The following ABCA13 variants were observed in gnomAD, a reference collection of about 807,000 sequenced individuals.
ABCA13 encodes the protein ATP-binding cassette sub-family A member 13.
ABCA13 carries 476 observed loss-of-function variants against 478.7 expected under a neutral mutation model. The observed-to-expected ratio is 0.99, with a 90% CI of 0.92 to 1.07. ABCA13 has a LOEUF of 1.07. ABCA13 is among the 50% of genes least tolerant of loss of function. The pLI, the probability that ABCA13 is intolerant of heterozygous loss-of-function variation, is 0.00. For synonymous variants in ABCA13, 2,252 were observed against 2,158.9 expected (o/e 1.04, Z -1.20); for missense variants, 6,060 against 5,910.6 (o/e 1.03, Z -0.83).
At chr7:48,241,462 C>T (rs1260480505) in intron 10 of ABCA13, among the ~76,000 whole-genome samples, 2 of 152,118 alleles carry the variant, frequency 1.3e-5, no homozygotes. Context: ...TTTATATTTA[C>T]TTAAAGATTT....
At chr7:48,475,038 A>G (rs980606724) in intron 45 of ABCA13, among the ~76,000 whole-genome samples, 8 of 152,238 alleles carry the variant, frequency 5.3e-5, no homozygotes, top group Admixed American at 1.3e-4. Context: ...CAGCTCTTCT[A>G]AGAAGCTATT....
At position 48,606,965 on chromosome 7, in the gene ABCA13, C is replaced by T. The variant is rs555689215; in HGVS notation, c.14745-8320C>T. 3.3e-5 allele frequency among the ~76,000 whole-genome samples: 5 copies of T among 152,286 alleles called. No homozygotes were observed. In the East Asian group the frequency reaches 9.7e-4, roughly 30 times the overall value. On this transcript the variant is annotated intron_variant, in intron 58 of 61. Transcript: ENST00000435803. The stretch of plus-strand genomic sequence containing the variant: ...TAGCCTTGCTGAGCTGCAGTGGGCT[C>T]CACCCAGTTCGAACTTCCTGAGGGC...
At chr7:48,176,256 T>C (rs1794860586) in intron 1 of ABCA13, among the ~76,000 whole-genome samples, 1 of 152,192 alleles carries the variant, frequency 6.6e-6, no homozygotes, top group South Asian at 2.1e-4. Flanking sequence ...ACCAGCTTTT[T>C]GGGTTGAGCT....
rs1156643955 is a variant in ABCA13, at chr7:48,637,381, C to CAAAAAAAAAAAAAAAAAAA, written c.14838-5900_14838-5882dup. On this transcript the variant is annotated intron_variant, in intron 59 of 61. Transcript: ENST00000435803. Reference sequence around the variant, plus strand: ...TGTTTTCTTTATTATGTTCATAAAGCAAAAAAAAAAAAAAAAAAAAAAAAA... The same window carrying CAAAAAAAAAAAAAAAAAAA: ...TGTTTTCTTTATTATGTTCATAAAGCAAAAAAAAAAAAAAAAAAAAAAAAAAAAAAAAAAAAAAAAAAAA... 1.5e-3 allele frequency among the ~76,000 whole-genome samples: 30 copies of CAAAAAAAAAAAAAAAAAAA among 20,254 alleles called. 4 individuals carry two copies. Among genetic ancestry groups the CAAAAAAAAAAAAAAAAAAA allele is most frequent in the East Asian group, 3.5e-3 (2 of 574 alleles). 13.3% of individuals were successfully genotyped at this position (20,254 alleles called of 152,430 possible). A position where few individuals can be genotyped will look rare whatever the true frequency, so the allele number is the denominator to read the frequency against.
At position 48,279,518 on chromosome 7, in the gene ABCA13, T is replaced by A; in HGVS notation, c.8324T>A (p.Ile2775Lys). ...TQHPNNLLKT[I>K]ETVLEASSGI... ...CATCCAAATAACCTTTTGAAAACCATAGAAACAGTTTTAGAGGCCTCCAGT... is the reference window on the plus strand; with the variant it reads ...CATCCAAATAACCTTTTGAAAACCAAAGAAACAGTTTTAGAGGCCTCCAGT... The change falls in exon 18 of 62, where the codon ATA (isoleucine) becomes AAA (lysine). Residue 2775 changes from isoleucine to lysine, a missense_variant. Physicochemically the swap from Ile to Lys is moderately radical, Grantham distance 102 (BLOSUM62 -3). Transcript: ENST00000435803. 1 of 1,613,424 alleles carries A rather than the reference T, an allele frequency of 6.2e-7. No homozygotes were observed. The highest frequency in any genetic ancestry group is 2.2e-5 in the East Asian group (1 of 44,794).
intron 52 of ABCA13, among the ~76,000 whole-genome samples, chr7:48,518,577 A>G (rs1228983555): frequency 6.6e-6 from 1 of 152,172 alleles, no homozygotes; most frequent in Non-Finnish European, 1.5e-5. Context: ...ATCTAAATCA[A>G]TTGGTAACAA....
chr7:48,279,311 A>G lies in ABCA13; in HGVS notation c.8117A>G (p.Gln2706Arg). Residue 2706 changes from glutamine to arginine, a missense_variant, in exon 18 of 62, where the codon CAA becomes CGA. Physicochemically the swap from Gln to Arg is conservative, Grantham distance 43 (BLOSUM62 1). Coordinates refer to ENST00000435803, the MANE Select transcript of ABCA13 (RefSeq NM_152701.5). ...CCAATTTCCACTCATAGTGGCCCTCAAGATATAAAATGGGAAATAATTCAT... is the reference window on the plus strand; with the variant it reads ...CCAATTTCCACTCATAGTGGCCCTCGAGATATAAAATGGGAAATAATTCAT... Reference protein sequence around the residue: ...PNPISTHSGPQDIKWEIIHEV... With the variant: ...PNPISTHSGPRDIKWEIIHEV... 1 of 1,587,396 alleles carries G rather than the reference A, an allele frequency of 6.3e-7. No homozygotes were observed. Among genetic ancestry groups the G allele is most frequent in the Non-Finnish European group, 8.6e-7 (1 of 1,164,736 alleles).
chr7:48,366,566 T>A lies in ABCA13; in HGVS notation c.10689-1228T>A, dbSNP rs529360646. 5.8e-4 allele frequency among the ~76,000 whole-genome samples: 88 copies of A among 152,168 alleles called. 2 individuals are homozygous for A. Among genetic ancestry groups the A allele is most frequent in the African/African-American group, 1.9e-3 (77 of 41,526 alleles). On this transcript the variant is annotated intron_variant, in intron 31 of 61. Coordinates refer to ENST00000435803, the MANE Select transcript of ABCA13 (RefSeq NM_152701.5). ...GTCCAAGATCAGGCAGCCTTTCTGG[T>A]CAGCTTCTGCTGAGGGTGTCATGCC...
intron 55 of ABCA13, among the ~76,000 whole-genome samples, chr7:48,558,107 T>A (rs1437677135): frequency 1.3e-5 from 2 of 149,860 alleles, no homozygotes; most frequent in Non-Finnish European, 2.9e-5. Flanking sequence ...CATTCTTTAG[T>A]ATGTCAATTG....
At chr7:48,628,193 T>G (rs2131623389) in intron 59 of ABCA13, among the ~76,000 whole-genome samples, 1 of 152,310 alleles carries the variant, frequency 6.6e-6, no homozygotes, top group East Asian at 1.9e-4. Flanking sequence ...CAGCATCGAT[T>G]GTAATTATTC....
In ABCA13 at chr7:48,520,253, C is replaced by T. The variant is rs770542627; in HGVS notation, c.14010C>T (p.Leu4670=). 1.2e-6 allele frequency: 2 copies of T among 1,613,352 alleles called. No homozygotes were observed. Among genetic ancestry groups the T allele is most frequent in the East Asian group, 4.5e-5 (2 of 44,748 alleles). ...QLASQGTVLL[L]LRVLLHWDLL... ...CCTCGCAGGGCACAGTACTTCTCCT[C>T]TTGAGGGTTCTGCTACACTGGGACC... The change falls in exon 53 of 62, where the codon CTC becomes CTT. Residue 4670 remains leucine (L), a synonymous_variant. Transcript: ENST00000435803.
rs561846122 is a variant in ABCA13, at chr7:48,295,688, T to C, written c.8956-12T>C. ...GTGTGCTTCTAACCTATATCATTGC[T>C]ATGTTTTCTAGGAAATTGAAAAGAT... On this transcript the variant is annotated splice_polypyrimidine_tract_variant and intron_variant, in intron 20 of 61. Transcript: ENST00000435803. 3.1e-6 allele frequency: 5 copies of C among 1,613,890 alleles called. No homozygotes were observed. The highest frequency in any genetic ancestry group is 3.4e-6 in the Non-Finnish European group (4 of 1,179,794).
intron 55 of ABCA13, among the ~76,000 whole-genome samples, chr7:48,534,111 T>C (rs1213775540): frequency 6.6e-6 from 1 of 152,138 alleles, no homozygotes; most frequent in Non-Finnish European, 1.5e-5. Context: ...TGGTGTATTT[T>C]GAGGATTTGT....
intron 55 of ABCA13, among the ~76,000 whole-genome samples, chr7:48,548,552 T>A (rs1284461884): frequency 1.3e-5 from 2 of 151,144 alleles, no homozygotes; most frequent in East Asian, 3.9e-4. Flanking sequence ...TAACACATTT[T>A]TTTTTTTTTT....
intron 3 of ABCA13, among the ~76,000 whole-genome samples, chr7:48,201,034 AG>A (rs2128918435): frequency 6.6e-6 from 1 of 152,292 alleles, no homozygotes; most frequent in Non-Finnish European, 1.5e-5. Context: ...TGAGCATCGG[AG>A]GCTCGCTCAC....
At chr7:48,394,782 C>T (rs985604537) in intron 38 of ABCA13, among the ~76,000 whole-genome samples, 3 of 151,998 alleles carry the variant, frequency 2.0e-5, no homozygotes, top group African/African-American at 7.3e-5. Context: ...GATTTTGGTG[C>T]ACCCATCGCT....
At position 48,221,274 on chromosome 7, in the gene ABCA13, AT is replaced by A; in HGVS notation, c.440-5del. On this transcript the variant is annotated splice_polypyrimidine_tract_variant and splice_region_variant and intron_variant, in intron 4 of 61. Coordinates refer to ENST00000435803, the MANE Select transcript of ABCA13 (RefSeq NM_152701.5). ...AACTAATATCTCTTAAACCTTCTTT[AT>A]TATAGATTCTTCTTATGGTTCCAGT... 1 of 1,136,910 alleles carries A rather than the reference AT, an allele frequency of 8.8e-7. No homozygotes were observed. Among genetic ancestry groups the A allele is most frequent in the Non-Finnish European group, 1.3e-6 (1 of 790,246 alleles). The allele number at this position is 1,136,910 out of a possible 1,614,324, so 70.4% of individuals were successfully genotyped here.
At chr7:48,637,529 T>C (rs1262228535) in intron 59 of ABCA13, among the ~76,000 whole-genome samples, 1 of 152,050 alleles carries the variant, frequency 6.6e-6, no homozygotes, top group East Asian at 1.9e-4. Context: ...TTTGTTTATC[T>C]AGACTCTAGG....
intron 41 of ABCA13, among the ~76,000 whole-genome samples, chr7:48,415,525 A>T (rs1201582737): frequency 1.3e-5 from 2 of 152,228 alleles, no homozygotes; most frequent in Admixed American, 1.3e-4. Context: ...CACACTTATC[A>T]GTGAAATAAT....
Sources: gnomAD v4.1 joint callset for allele counts (sites outside exome capture counted in the v4.1 genomes callset) on GRCh38, gnomAD v4.1.1 for gene constraint, MANE v1.5 for transcripts, NCBI Gene and HGNC (gene_info 2026-07-23, HGNC 2026-07-21) for gene names.